GLI3: variants seen among roughly 807,000 people sequenced by gnomAD.
GLI3 encodes GLI family zinc finger 3, also known as transcription activator GLI3.
Under a neutral mutation model 100.8 loss-of-function variants are expected in GLI3, and 20 were observed. The observed-to-expected ratio is 0.20, with a 90% CI of 0.14 to 0.29. The LOEUF (loss-of-function observed/expected upper bound fraction) is 0.29. GLI3 is among the 10% of genes least tolerant of loss of function. GLI3 has a pLI of 1.00. For synonymous variants in GLI3, 938 were observed against 860.5 expected (o/e 1.09, Z -1.58); for missense variants, 2,040 against 2,128.5 (o/e 0.96, Z 0.82).
Position 42,045,460 on chromosome 7 carries a change from G to T in GLI3, c.750C>A (p.Pro250=). 6.2e-7 allele frequency: 1 copy of T among 1,614,000 alleles called. No individual in the cohort carries two copies. The highest frequency in any genetic ancestry group is 8.5e-7 in the Non-Finnish European group (1 of 1,179,832). The change falls in exon 6 of 15, where the codon CCC becomes CCA. Residue 250 remains proline, a synonymous_variant. Coordinates refer to ENST00000395925, the MANE Select transcript of GLI3 (RefSeq NM_000168.6). The stretch of plus-strand genomic sequence containing the variant: ...CAGCTGAGGGAATAATGTCTGCATA[G>T]GGGCTGCGCTGGCCAGTTAGCAGGG... ...QMALLTGQRS[P]YADIIPSAAT...
At chr7:42,018,053 T>A (rs1788819738) in intron 10 of GLI3, among the ~76,000 whole-genome samples, 1 of 152,200 alleles carries the variant, frequency 6.6e-6, no homozygotes, top group South Asian at 2.1e-4. Context: ...CCACTCAGAA[T>A]CCTAGCTGGG....
At chr7:42,206,262 C>G (rs1329438491) in intron 2 of GLI3, among the ~76,000 whole-genome samples, 1 of 151,230 alleles carries the variant, frequency 6.6e-6, no homozygotes, top group East Asian at 1.9e-4. Flanking sequence ...AACGAGACCC[C>G]ATCTAAAAAA....
upstream of GLI3, among the ~76,000 whole-genome samples, chr7:42,240,877 C>T (rs371145753): frequency 3.9e-5 from 6 of 152,312 alleles, no homozygotes; most frequent in South Asian, 8.3e-4. Context: ...ACTTCACGTG[C>T]TCCTCTGATT....
At chr7:42,113,253 G>T (rs1297779894) in intron 3 of GLI3, 1 of 500,178 alleles carries the variant, frequency 2.0e-6, no homozygotes. Context: ...AAATACAGAA[G>T]TACGGAGCAG....
At chr7:42,193,838 T>C (rs1562780910) in intron 2 of GLI3, among the ~76,000 whole-genome samples, 1 of 152,200 alleles carries the variant, frequency 6.6e-6, no homozygotes, top group Non-Finnish European at 1.5e-5. Flanking sequence ...ACATGCTAGT[T>C]ATCCACGTTA....
intron 10 of GLI3, among the ~76,000 whole-genome samples, chr7:41,993,620 T>C (rs1788046564): frequency 1.3e-5 from 2 of 152,344 alleles, no homozygotes; most frequent in South Asian, 2.1e-4. Flanking sequence ...AATGATATGT[T>C]CCAAGTGCCT....
chr7:42,098,037 A>C (rs1051639226), intron 3 of GLI3, among the ~76,000 whole-genome samples: 4 of 152,180 alleles, frequency 2.6e-5, no homozygotes, highest in Non-Finnish European at 5.9e-5. Flanking sequence ...CAATAAGCCC[A>C]ATGACTCACA....
chr7:42,078,757 TCTCA>T (rs1784935330), intron 3 of GLI3, among the ~76,000 whole-genome samples: 1 of 132,816 alleles, frequency 7.5e-6, no homozygotes, highest in Non-Finnish European at 1.5e-5. Flanking sequence ...TGAGACGGAG[TCTCA>T]CTCAGTCACC....
At chr7:42,052,793 G>A (rs846263) in intron 4 of GLI3, among the ~76,000 whole-genome samples, 84,842 of 152,070 alleles carry the variant, frequency 0.56, 25,819 homozygotes, top group African/African-American at 0.82. Flanking sequence ...GCTCTCGTGA[G>A]CTGGGTTAGC....
intron 2 of GLI3, among the ~76,000 whole-genome samples, chr7:42,167,704 C>T (rs1787273017): frequency 6.6e-6 from 1 of 152,100 alleles, no homozygotes. Flanking sequence ...TAACTATCAG[C>T]CTTTCATCTT....
At chr7:42,115,428 C>A (rs959772725) in intron 3 of GLI3, among the ~76,000 whole-genome samples, 1 of 152,176 alleles carries the variant, frequency 6.6e-6, no homozygotes, top group Non-Finnish European at 1.5e-5. Context: ...GTGTACCCAC[C>A]GTGCCCAGCC....
At chr7:42,221,171 G>A (rs1206196130) in intron 2 of GLI3, among the ~76,000 whole-genome samples, 1 of 152,178 alleles carries the variant, frequency 6.6e-6, no homozygotes, top group East Asian at 1.9e-4. Context: ...GGTCAGATTA[G>A]TTCTGTTCCC....
At chr7:42,110,964 C>T (rs1290987971) in intron 3 of GLI3, among the ~76,000 whole-genome samples, 1 of 152,116 alleles carries the variant, frequency 6.6e-6, no homozygotes. Flanking sequence ...GCTTTGGAAA[C>T]CAGTCAAACT....
chr7:42,175,335 G>A (rs1787457649), intron 2 of GLI3, among the ~76,000 whole-genome samples: 1 of 152,172 alleles, frequency 6.6e-6, no homozygotes, highest in South Asian at 2.1e-4. Flanking sequence ...GGAGAAATAG[G>A]GGCTGGGTAC....
intron 5 of GLI3, among the ~76,000 whole-genome samples, chr7:42,046,992 C>T (rs1209272566): frequency 6.6e-6 from 1 of 151,968 alleles, no homozygotes; most frequent in African/African-American, 2.4e-5. Flanking sequence ...GCTGTCTCTA[C>T]AAAAAATATA....
rs774754578 is a variant in GLI3, at chr7:42,026,344, C to T, written c.1097G>A (p.Arg366Gln). 3 of 1,614,044 alleles carry T rather than the reference C, an allele frequency of 1.9e-6. No individual in the cohort carries two copies. Among genetic ancestry groups the T allele is most frequent in the Non-Finnish European group, 2.5e-6 (3 of 1,179,962 alleles). The change falls in exon 8 of 15, where the codon CGA becomes CAA. Residue 366 changes from arginine (R) to glutamine (Q), a missense_variant. Arg to Gln is a conservative substitution (Grantham distance 43). Around this residue, in one of 5 missense-constraint regions of GLI3, gnomAD observed 603 missense variants for 690.9 expected, o/e 0.87. Coordinates refer to ENST00000395925, the MANE Select transcript of GLI3 (RefSeq NM_000168.6). ...AAAGGCTGAACCTAAGCTCTGTTGT[C>T]GGCTTAGGATCTGCTGATGCATGTG... The part of the protein sequence containing the change: ...SLHMHQQILS[R>Q]QQSLGSAFGH...
chr7:42,099,038 C>T (rs1359041917), intron 3 of GLI3, among the ~76,000 whole-genome samples: 1 of 152,060 alleles, frequency 6.6e-6, no homozygotes, highest in African/African-American at 2.4e-5. Flanking sequence ...CCTGCCTGCT[C>T]CCCCGTGCCA....
intron 10 of GLI3, 145 bp downstream of exon 10, chr7:42,023,323 C>A (rs150536356): frequency 3.7e-4 from 292 of 792,226 alleles, no homozygotes; most frequent in Non-Finnish European, 4.9e-4. Context: ...TCCGAGTTTT[C>A]TTTATTCTCA....
intron 1 of GLI3, among the ~76,000 whole-genome samples, chr7:42,235,698 C>G (rs1315280885): frequency 2.0e-5 from 3 of 152,132 alleles, no homozygotes; most frequent in African/African-American, 7.2e-5. Context: ...AATACCAGCC[C>G]GGCTAATGGC....
Sources: allele counts gnomAD v4.1 joint callset (sites outside exome capture counted in the v4.1 genomes callset), GRCh38; gene constraint gnomAD v4.1.1; regional missense constraint gnomAD v4.1.1; transcripts MANE v1.5; gene names NCBI Gene and HGNC (gene_info 2026-07-23, HGNC 2026-07-21).